Variants in TULP4 observed in about 807,000 individuals in gnomAD.
TULP4 encodes tubby-related protein 4.
TULP4 carries 16 observed loss-of-function variants against 129.0 expected under a neutral mutation model. That is an observed-to-expected ratio of 0.12 (90% CI 0.08 to 0.19). The LOEUF is 0.19. Ranked by LOEUF, TULP4 falls within the 10% of genes least tolerant of loss-of-function variation. TULP4 has a pLI of 1.00. For missense variants in TULP4, 1,842 were observed against 2,059.1 expected (o/e 0.89, Z 2.04); for synonymous variants, 998 against 854.0 (o/e 1.17, Z -2.94).
chr6:158,307,996 C>A (rs1267402900), upstream of TULP4, among the ~76,000 whole-genome samples: 2 of 147,780 alleles, frequency 1.4e-5, no homozygotes, highest in East Asian at 2.0e-4. Flanking sequence ...TTTTTCTTTT[C>A]TTTTTTTTTT....
intron 3 of TULP4, among the ~76,000 whole-genome samples, chr6:158,443,746 T>A (rs565602513): frequency 2.0e-5 from 3 of 152,208 alleles, no homozygotes; most frequent in Non-Finnish European, 4.4e-5. Context: ...TATAGTCAAC[T>A]GTGAAATTAC....
intron 1 of TULP4, among the ~76,000 whole-genome samples, chr6:158,385,840 A>ATTTTTTTTTTTTTT (rs1397821107): frequency 2.1e-4 from 7 of 34,022 alleles, no homozygotes; most frequent in African/African-American, 8.0e-4. Flanking sequence ...AATGTGGAAT[A>ATTTTTTTTTTTTTT]TCTTTTTTTT....
intron 1 of TULP4, among the ~76,000 whole-genome samples, chr6:158,239,046 C>T (rs1414595680): frequency 1.4e-4 from 18 of 127,732 alleles, no homozygotes; most frequent in Middle Eastern, 4.3e-3. Flanking sequence ...GGCGGCTGGC[C>T]GGGCGGGGGG....
At chr6:158,306,431 G>A (rs999960232) in intron 1 of TULP4, among the ~76,000 whole-genome samples, 4 of 152,266 alleles carry the variant, frequency 2.6e-5, no homozygotes, top group Admixed American at 1.3e-4. Context: ...GGCGGCATGC[G>A]CCTGTAGTCC....
chr6:158,489,294 T>A (rs1191396621), intron 8 of TULP4, among the ~76,000 whole-genome samples: 2 of 152,238 alleles, frequency 1.3e-5, no homozygotes, highest in East Asian at 3.8e-4. Flanking sequence ...CTGTGTGTTG[T>A]GAGACAACAG....
intron 1 of TULP4, among the ~76,000 whole-genome samples, chr6:158,241,607 T>C (rs1323814980): frequency 1.3e-5 from 2 of 152,012 alleles, no homozygotes; most frequent in African/African-American, 4.8e-5. Context: ...AAATTGTTTT[T>C]TTTTTGAGAT....
intron 1 of TULP4, among the ~76,000 whole-genome samples, chr6:158,283,259 A>C (rs569666102): frequency 6.6e-6 from 1 of 152,310 alleles, no homozygotes; most frequent in African/African-American, 2.4e-5. Flanking sequence ...GTAACTATTA[A>C]TATCTTCCAT....
At chr6:158,235,325 T>A (rs1777669968) in intron 1 of TULP4, among the ~76,000 whole-genome samples, 1 of 152,200 alleles carries the variant, frequency 6.6e-6, no homozygotes, top group East Asian at 1.9e-4. Context: ...CAACTCTTTC[T>A]TTTCCCCTCC....
chr6:158,503,024 C>A lies in TULP4; in HGVS notation c.3361C>A (p.Pro1121Thr). 3 of 1,614,196 alleles carry A rather than the reference C, an allele frequency of 1.9e-6. No homozygotes were observed. Among genetic ancestry groups the A allele is most frequent in the Non-Finnish European group, 2.5e-6 (3 of 1,180,038 alleles). The part of the protein sequence containing the change: ...EAAVTLKRPP[P>T]YQWDPMLGED... ...TGCTGTCACCCTGAAACGGCCACCCCCTTACCAGTGGGACCCCATGCTGGG... is the reference window on the plus strand; with the variant it reads ...TGCTGTCACCCTGAAACGGCCACCCACTTACCAGTGGGACCCCATGCTGGG... Residue 1121 changes from proline to threonine, a missense_variant, in exon 13 of 14, where the codon CCT becomes ACT. By Grantham distance (38) the Pro-to-Thr change is conservative (BLOSUM62 -1). Coordinates refer to ENST00000367097, the MANE Select transcript of TULP4 (RefSeq NM_020245.5). The surrounding 1 kb of genome is among the most constrained non-coding windows in gnomAD (Gnocchi z 4.3).
In TULP4 at chr6:158,349,905, C is replaced by T. The variant is rs538813727; in HGVS notation, c.252+35637C>T. ...GACGCTCCTCACCTCCTAGGTGGGG[C>T]GGCCGGGCAGAGGCACTCCCCACTT... On this transcript the variant is annotated intron_variant, in intron 1 of 13. Coordinates refer to ENST00000367097, the MANE Select transcript of TULP4 (RefSeq NM_020245.5). Among the ~76,000 whole-genome samples the T allele has an allele frequency of 6.6e-4, 77 of 117,400 alleles. 6 individuals carry two copies. The East Asian group carries it at 0.016, about 25-fold the overall frequency. The allele number at this position is 117,400 out of a possible 152,430, so 77.0% of individuals were successfully genotyped here. A position where few individuals can be genotyped will look rare whatever the true frequency, so the allele number is the denominator to read the frequency against.
At chr6:158,444,044 C>A (rs1473191955) in intron 3 of TULP4, among the ~76,000 whole-genome samples, 4 of 151,108 alleles carry the variant, frequency 2.6e-5, no homozygotes, top group Admixed American at 2.6e-4. Flanking sequence ...ACGGTGAAAC[C>A]CCGTCTCTAC....
intron 1 of TULP4, among the ~76,000 whole-genome samples, chr6:158,368,980 GT>G (rs1418152878): frequency 2.6e-5 from 4 of 152,118 alleles, no homozygotes; most frequent in African/African-American, 7.2e-5. Context: ...GAAGGTGTTT[GT>G]TGGAGTTATT....
chr6:158,379,084 GGA>G (rs1361167091), intron 1 of TULP4, among the ~76,000 whole-genome samples: 1 of 152,168 alleles, frequency 6.6e-6, no homozygotes, highest in Non-Finnish European at 1.5e-5. Flanking sequence ...GAGCCGTCTG[GGA>G]GAGAGTCCAG....
intron 1 of TULP4, among the ~76,000 whole-genome samples, chr6:158,269,546 T>C (rs1778509525): frequency 6.6e-6 from 1 of 152,232 alleles, no homozygotes; most frequent in African/African-American, 2.4e-5. Flanking sequence ...TAGACTTTAA[T>C]TTTGATCAGA....
At chr6:158,294,011 T>C (rs1173630955) in intron 1 of TULP4, among the ~76,000 whole-genome samples, 1 of 152,146 alleles carries the variant, frequency 6.6e-6, no homozygotes, top group African/African-American at 2.4e-5. Flanking sequence ...TACCTCATGC[T>C]CAGTGAATAT....
chr6:158,430,693 C>T (rs1178159595), intron 3 of TULP4, among the ~76,000 whole-genome samples: 1 of 152,090 alleles, frequency 6.6e-6, no homozygotes, highest in African/African-American at 2.4e-5. Context: ...TTGCAGTGAG[C>T]CAGGATTGTG....
At chr6:158,484,621 TAAAGA>T (rs113259926) in intron 8 of TULP4, among the ~76,000 whole-genome samples, 1,583 of 152,038 alleles carry the variant, frequency 0.01, 28 homozygotes, top group African/African-American at 0.036. Context: ...TTACTGGCCT[TAAAGA>T]AAAGAAGGAG....
chr6:158,265,489 G>A (rs1208405207), intron 1 of TULP4, among the ~76,000 whole-genome samples: 1 of 151,818 alleles, frequency 6.6e-6, no homozygotes, highest in Non-Finnish European at 1.5e-5. Context: ...AGACCAGCCT[G>A]GCCAACATGG....
chr6:158,424,034 A>G (rs1022950952), intron 2 of TULP4, among the ~76,000 whole-genome samples: 1 of 152,170 alleles, frequency 6.6e-6, no homozygotes, highest in Non-Finnish European at 1.5e-5. Context: ...ATAAAGGATT[A>G]TATCTAGAAT....
Sources: gnomAD v4.1 joint callset for allele counts (sites outside exome capture counted in the v4.1 genomes callset) on GRCh38, gnomAD v4.1.1 for gene constraint, Gnocchi (gnomAD v3.1) non-coding constraint, MANE v1.5 for transcripts, NCBI Gene and HGNC (gene_info 2026-07-23, HGNC 2026-07-21) for gene names.